RANBP17: variants seen among roughly 807,000 people sequenced by gnomAD.
The protein encoded by RANBP17 is ran-binding protein 17.
In RANBP17, 158 loss-of-function variants were observed where a neutral mutation model predicts 141.2. The observed-to-expected ratio is 1.12, with a 90% CI of 0.98 to 1.28. The LOEUF (loss-of-function observed/expected upper bound fraction) is 1.28, where lower values mean the gene tolerates loss of function less well. Ranked by LOEUF, RANBP17 falls within the 50% of genes most tolerant of loss-of-function variation. The probability of loss-of-function intolerance (pLI) is 0.00; values close to 1 mark genes in which losing one functional copy is unlikely to be tolerated. For missense variants in RANBP17, 1,438 were observed against 1,290.7 expected, an observed-to-expected ratio of 1.11 and a Z score of -1.75; for synonymous variants, 430 against 450.0, an observed-to-expected ratio of 0.96 and a Z score of 0.56.
intron 14 of RANBP17, among the ~76,000 whole-genome samples, chr5:171,086,360 G>T (rs1280489397): frequency 1.3e-5 from 2 of 151,734 alleles, no homozygotes; most frequent in South Asian, 2.1e-4. Flanking sequence ...GCTGGATTCG[G>T]TTTGCCAGTA....
chr5:171,071,285 G>A (rs1045463573), intron 14 of RANBP17, among the ~76,000 whole-genome samples: 1 of 151,974 alleles, frequency 6.6e-6, no homozygotes, highest in Non-Finnish European at 1.5e-5. Context: ...GTTTGCCCCA[G>A]TGTGACATAT....
At chr5:171,215,079 G>A (rs760442295) in intron 21 of RANBP17, among the ~76,000 whole-genome samples, 34 of 136,568 alleles carry the variant, frequency 2.5e-4, no homozygotes, top group African/African-American at 7.1e-4. Context: ...AACAGGCCCC[G>A]GTGTGTGATG....
At chr5:170,922,864 C>T (rs1353572351) in intron 11 of RANBP17, among the ~76,000 whole-genome samples, 1 of 152,158 alleles carries the variant, frequency 6.6e-6, no homozygotes, top group Non-Finnish European at 1.5e-5. Flanking sequence ...AACCATGTAC[C>T]TCAGTTAGAA....
chr5:171,146,620 A>G (rs917961049), intron 14 of RANBP17, among the ~76,000 whole-genome samples: 1 of 152,202 alleles, frequency 6.6e-6, no homozygotes, highest in African/African-American at 2.4e-5. Context: ...ATATTCACAA[A>G]GAAGTTCTTA....
intron 27 of RANBP17, among the ~76,000 whole-genome samples, chr5:171,297,133 G>A (rs970863058): frequency 1.3e-5 from 2 of 152,134 alleles, no homozygotes; most frequent in African/African-American, 2.4e-5. Context: ...CCCTCTGCCT[G>A]TTCTTTAAGA....
intron 16 of RANBP17, among the ~76,000 whole-genome samples, chr5:171,181,945 A>G (rs1344063218): frequency 6.6e-6 from 1 of 152,246 alleles, no homozygotes; most frequent in Non-Finnish European, 1.5e-5. Context: ...GAGGGAAACT[A>G]AGGCTGAGAC....
At chr5:171,203,006 A>T (rs1561759954) in intron 19 of RANBP17, among the ~76,000 whole-genome samples, 1 of 152,122 alleles carries the variant, frequency 6.6e-6, no homozygotes, top group Non-Finnish European at 1.5e-5. Context: ...CACACTTGGC[A>T]CACAGACAAC....
intron 27 of RANBP17, among the ~76,000 whole-genome samples, chr5:171,297,675 G>T (rs1581203804): frequency 6.6e-6 from 1 of 151,100 alleles, no homozygotes; most frequent in South Asian, 2.1e-4. Flanking sequence ...TTCACCTAAG[G>T]CTTGGAAATT....
At chr5:170,977,770 G>A (rs1777485406) in intron 14 of RANBP17, among the ~76,000 whole-genome samples, 1 of 152,016 alleles carries the variant, frequency 6.6e-6, no homozygotes, top group African/African-American at 2.4e-5. Flanking sequence ...TGATTCCAGT[G>A]GTTTGAAATG....
At chr5:170,955,934 T>C (rs1195908057) in intron 13 of RANBP17, among the ~76,000 whole-genome samples, 1 of 150,716 alleles carries the variant, frequency 6.6e-6, no homozygotes, top group Non-Finnish European at 1.5e-5. Context: ...ATATTATGTA[T>C]TCAGATCTAT....
intron 3 of RANBP17, among the ~76,000 whole-genome samples, chr5:170,888,209 CAA>C (rs1641538745): frequency 6.6e-6 from 1 of 152,128 alleles, no homozygotes; most frequent in South Asian, 2.1e-4. Context: ...TTTTGCCTCT[CAA>C]TATAACTTTT....
intron 13 of RANBP17, among the ~76,000 whole-genome samples, chr5:170,967,468 G>T (rs17073185): frequency 0.027 from 4,031 of 151,754 alleles, 174 homozygotes; most frequent in African/African-American, 0.091. Context: ...GGTACTTGGC[G>T]GTCATCCACC....
At chr5:170,910,904 A>C in intron 6 of RANBP17, 65 bp from the exon 7 acceptor site, 1 of 1,458,314 alleles carries the variant, frequency 6.9e-7, no homozygotes, top group East Asian at 2.3e-5. Context: ...AATTATTTTA[A>C]TTCATGAAGT....
At chr5:170,975,855 C>G (rs1299848975) in intron 14 of RANBP17, among the ~76,000 whole-genome samples, 1 of 151,292 alleles carries the variant, frequency 6.6e-6, no homozygotes, top group African/African-American at 2.4e-5. Flanking sequence ...AAAAAACAAA[C>G]AAACAGAAAC....
At chr5:171,183,281 T>C (rs755422848) in intron 17 of RANBP17, 41 bp from the exon 18 acceptor site, 2 of 1,583,076 alleles carry the variant, frequency 1.3e-6, no homozygotes, top group Non-Finnish European at 1.7e-6. Context: ...ATAGTTGAGG[T>C]AAAGTGTTAG....
chr5:170,926,264 G>A (rs1772911887), intron 12 of RANBP17, among the ~76,000 whole-genome samples: 4 of 152,116 alleles, frequency 2.6e-5, no homozygotes, highest in South Asian at 2.1e-4. Flanking sequence ...ACAAAAACAG[G>A]AGGCTGTCTT....
In RANBP17 at chr5:171,094,626, A is replaced by G. The variant is rs115857978; in HGVS notation, c.1711-75504A>G. On this transcript the variant is annotated intron_variant, in intron 14 of 27. Transcript: ENST00000523189. ...GTAGAAATGCTCTTAACTTTTTACT[A>G]TTCCCACCTAAGCTTGTCTTCTAAC... Among the ~76,000 whole-genome samples, 732 of 152,276 alleles carry G rather than the reference A, an allele frequency of 4.8e-3. 4 individuals carry two copies. The highest frequency in any genetic ancestry group is 0.017 in the African/African-American group (695 of 41,550).
At chr5:170,945,658 G>A (rs887527479) in intron 12 of RANBP17, among the ~76,000 whole-genome samples, 3 of 152,028 alleles carry the variant, frequency 2.0e-5, no homozygotes, top group Non-Finnish European at 2.9e-5. Context: ...TTACATGCAC[G>A]GTGAGGTCTT....
chr5:171,295,234 A>C (rs1306494489), intron 26 of RANBP17, among the ~76,000 whole-genome samples: 3 of 152,144 alleles, frequency 2.0e-5, no homozygotes, highest in Non-Finnish European at 4.4e-5. Context: ...TTGTGTGTGT[A>C]TAAAAGCCCA....
Sources: allele counts gnomAD v4.1 joint callset (sites outside exome capture counted in the v4.1 genomes callset), GRCh38; gene constraint gnomAD v4.1.1; transcripts MANE v1.5; gene names NCBI Gene and HGNC (gene_info 2026-07-23, HGNC 2026-07-21).